The following PRDM2 variants were observed in gnomAD, a reference collection of about 807,000 sequenced individuals.
The protein encoded by PRDM2 is PR domain zinc finger protein 2.
PRDM2 carries 30 observed loss-of-function variants against 130.0 expected under a neutral mutation model. The ratio of observed to expected loss-of-function variants is 0.23; its 90% CI spans 0.17 to 0.31. The LOEUF (loss-of-function observed/expected upper bound fraction) is 0.31, where lower values mean the gene tolerates loss of function less well. Among genes scored for constraint, PRDM2 ranks in the 10% least tolerant of loss-of-function variants. The pLI is 1.00. For synonymous variants in PRDM2, 871 were observed against 782.4 expected, an observed-to-expected ratio of 1.11 and a Z score of -1.89; for missense variants, 2,011 against 2,108.4, an observed-to-expected ratio of 0.95 and a Z score of 0.90.
chr1:13,754,920 G>C (rs953778610), intron 6 of PRDM2, among the ~76,000 whole-genome samples: 1 of 152,146 alleles, frequency 6.6e-6, no homozygotes, highest in African/African-American at 2.4e-5. Flanking sequence ...GCTGTTTCTG[G>C]GTTGGTCAGT....
At position 13,824,110 on chromosome 1, in the gene PRDM2, C is replaced by T. The variant is rs1332745279; in HGVS notation, c.*975C>T. Reference sequence around the variant, plus strand: ...GGGGCGGACGGGGCTGACTCCTGCTCTCTGGAGGACGGTCAGTCCATGTCT... The same window carrying T: ...GGGGCGGACGGGGCTGACTCCTGCTTTCTGGAGGACGGTCAGTCCATGTCT... On this transcript the variant is annotated 3_prime_UTR_variant, in exon 10 of 10. Transcript: ENST00000311066. 1 of 152,654 alleles carries T rather than the reference C, an allele frequency of 6.6e-6. No individual in the cohort carries two copies. Among genetic ancestry groups the T allele is most frequent in the Non-Finnish European group, 1.5e-5 (1 of 68,046 alleles). 9.5% of individuals were successfully genotyped at this position (152,654 alleles called of 1,614,324 possible).
chr1:13,812,607 C>A (rs1645191807), intron 8 of PRDM2, among the ~76,000 whole-genome samples: 1 of 152,162 alleles, frequency 6.6e-6, no homozygotes, highest in Non-Finnish European at 1.5e-5. Flanking sequence ...GTGAGATGCT[C>A]ATTAGACATC....
chr1:13,810,696 G>A (rs551409573), intron 8 of PRDM2, among the ~76,000 whole-genome samples: 3 of 151,698 alleles, frequency 2.0e-5, no homozygotes, highest in Admixed American at 6.6e-5. Flanking sequence ...GGGTTTCACT[G>A]TGTTAGCAAG....
rs1569825703 is a variant in PRDM2, at chr1:13,742,082, T to C, written c.309T>C (p.Asn103=). The change falls in exon 5 of 10, where the codon AAT becomes AAC. Residue 103 remains asparagine, a synonymous_variant. Coordinates refer to ENST00000311066, the MANE Select transcript of PRDM2 (RefSeq NM_001393986.1). The part of the protein sequence containing the change: ...PEKGNWLRYV[N]WACSGEEQNL... ...AGGGAAACTGGCTGCGATATGTGAA[T>C]TGGGCTTGCTCAGGAGAAGAGCAAA... 3 of 1,611,302 alleles carry C rather than the reference T, an allele frequency of 1.9e-6. No homozygotes were observed. Among genetic ancestry groups the C allele is most frequent in the East Asian group, 2.2e-5 (1 of 44,862 alleles).
intron 6 of PRDM2, among the ~76,000 whole-genome samples, chr1:13,750,841 C>G (rs1217872591): frequency 3.3e-5 from 5 of 151,598 alleles, no homozygotes; most frequent in Non-Finnish European, 1.5e-5. Context: ...TAGTGCTTAA[C>G]TGTTTGTAGT....
chr1:13,805,154 C>T (rs1350963168), intron 8 of PRDM2, among the ~76,000 whole-genome samples: 1 of 152,174 alleles, frequency 6.6e-6, no homozygotes, highest in Non-Finnish European at 1.5e-5. Context: ...CCAAAAACTA[C>T]CCAAAGTAGC....
intron 8 of PRDM2, among the ~76,000 whole-genome samples, chr1:13,792,571 C>T (rs1313274353): frequency 3.3e-5 from 5 of 152,198 alleles, no homozygotes; most frequent in Non-Finnish European, 5.9e-5. Context: ...CTTCTATTTC[C>T]AGGCTATTAT....
chr1:13,753,219 A>C (rs1000286031), intron 6 of PRDM2, among the ~76,000 whole-genome samples: 2 of 152,244 alleles, frequency 1.3e-5, no homozygotes, highest in African/African-American at 4.8e-5. Context: ...AGCGGCAAGA[A>C]GTTTTTATAC....
In PRDM2 at chr1:13,782,088, A is replaced by G. The variant is rs900722869; in HGVS notation, c.4293A>G (p.Lys1431=). 1.9e-6 allele frequency: 3 copies of G among 1,613,996 alleles called. No homozygotes were observed. The highest frequency in any genetic ancestry group is 2.7e-5 in the African/African-American group (2 of 74,940). Residue 1431 remains lysine (K), a synonymous_variant, in exon 8 of 10, where the codon AAA becomes AAG. Transcript: ENST00000311066. ...AGAAAAAAAATCAGCTAGTACAGAA[A>G]GCAATTCTTCAGAAAAACAAATCTG... is the stretch of plus-strand genomic sequence containing the variant. ...ALKKKNQLVQ[K]AILQKNKSAK... is the part of the protein sequence containing the mutation.
At chr1:13,801,980 T>C (rs752243075) in intron 8 of PRDM2, among the ~76,000 whole-genome samples, 33 of 152,220 alleles carry the variant, frequency 2.2e-4, no homozygotes, top group Non-Finnish European at 4.6e-4. Context: ...ATCAGAGTCA[T>C]CTGACACCTG....
intron 1 of PRDM2, among the ~76,000 whole-genome samples, chr1:13,709,529 C>T (rs115534602): frequency 0.014 from 2,104 of 152,250 alleles, 64 homozygotes; most frequent in African/African-American, 0.048. Context: ...CAGTGTTAGA[C>T]GACACTACAA....
intron 5 of PRDM2, among the ~76,000 whole-genome samples, chr1:13,748,581 C>G (rs2100530836): frequency 6.6e-6 from 1 of 152,282 alleles, no homozygotes; most frequent in Admixed American, 6.5e-5. Flanking sequence ...GCTGTTTCCC[C>G]AAATTCTAGG....
intron 1 of PRDM2, among the ~76,000 whole-genome samples, chr1:13,713,513 A>G (rs1163972824): frequency 6.6e-6 from 1 of 152,224 alleles, no homozygotes; most frequent in Non-Finnish European, 1.5e-5. Flanking sequence ...AGCTTCATAA[A>G]TGATAGTGAT....
chr1:13,793,953 T>C (rs1390173235), intron 8 of PRDM2, among the ~76,000 whole-genome samples: 1 of 152,230 alleles, frequency 6.6e-6, no homozygotes, highest in Non-Finnish European at 1.5e-5. Flanking sequence ...TTGATTCTCC[T>C]GGGATCCCTG....
At chr1:13,767,324 G>A (rs892126173) in intron 6 of PRDM2, among the ~76,000 whole-genome samples, 1 of 151,408 alleles carries the variant, frequency 6.6e-6, no homozygotes, top group African/African-American at 2.4e-5. Flanking sequence ...TTTTGAGACA[G>A]TCTGTCGCCC....
chr1:13,719,268 G>T (rs1642647305), intron 2 of PRDM2, among the ~76,000 whole-genome samples: 1 of 152,176 alleles, frequency 6.6e-6, no homozygotes, highest in South Asian at 2.1e-4. Context: ...TCTGGAAAAA[G>T]AAAATTCCAG....
At chr1:13,729,879 T>C (rs1365108000) in intron 2 of PRDM2, among the ~76,000 whole-genome samples, 12 of 152,178 alleles carry the variant, frequency 7.9e-5, no homozygotes, top group Non-Finnish European at 1.8e-4. Flanking sequence ...GACTGTGAGA[T>C]TTATTTCTCT....
intron 1 of PRDM2, among the ~76,000 whole-genome samples, chr1:13,705,997 A>G (rs966127542): frequency 1.3e-5 from 2 of 151,600 alleles, no homozygotes; most frequent in Middle Eastern, 6.8e-3. Flanking sequence ...AAAAAAAAAA[A>G]AAAAAAAATG....
intron 2 of PRDM2, among the ~76,000 whole-genome samples, chr1:13,727,412 G>A (rs987344975): frequency 1.2e-4 from 19 of 152,194 alleles, no homozygotes; most frequent in African/African-American, 3.9e-4. Flanking sequence ...GAGCCACCAC[G>A]CCCAGCTAAT....
Sources: gnomAD v4.1 joint callset for allele counts (sites outside exome capture counted in the v4.1 genomes callset) on GRCh38, gnomAD v4.1.1 for gene constraint, MANE v1.5 for transcripts, NCBI Gene and HGNC (gene_info 2026-07-23, HGNC 2026-07-21) for gene names.